Variants in FAM184B observed in about 807,000 individuals in gnomAD.
The protein encoded by FAM184B is protein FAM184B.
FAM184B carries 111 observed loss-of-function variants against 135.9 expected under a neutral mutation model. That is an observed-to-expected ratio of 0.82 (90% CI 0.70 to 0.96). The LOEUF (loss-of-function observed/expected upper bound fraction) is 0.96. FAM184B is among the 40% of genes least tolerant of loss of function. The pLI is 0.00. For synonymous variants in FAM184B, 552 were observed against 524.8 expected, an observed-to-expected ratio of 1.05 and a Z score of -0.71; for missense variants, 1,375 against 1,323.9, an observed-to-expected ratio of 1.04 and a Z score of -0.60.
At chr4:17,766,639 C>T (rs974866814) in intron 1 of FAM184B, among the ~76,000 whole-genome samples, 4 of 152,242 alleles carry the variant, frequency 2.6e-5, no homozygotes, top group Non-Finnish European at 5.9e-5. Flanking sequence ...GGTGTGTTTA[C>T]AAACCTTGAG....
At position 17,658,317 on chromosome 4, in the gene FAM184B, G is replaced by C. The variant is rs758544420; in HGVS notation, c.2037+33C>G. 1.6e-5 allele frequency: 24 copies of C among 1,546,118 alleles called. No individual in the cohort carries two copies. In the East Asian group the frequency reaches 5.1e-4, roughly 33 times the overall value. ...GGCAGTTCTCACCTAGCAGGTGCCC[G>C]GCACAGAGTAGACGGCACAGTCATT... On this transcript the variant is annotated intron_variant, in intron 10 of 17. Coordinates refer to ENST00000265018, the MANE Select transcript of FAM184B (RefSeq NM_015688.2).
At chr4:17,770,164 A>C (rs1354177864) in intron 1 of FAM184B, among the ~76,000 whole-genome samples, 1 of 152,258 alleles carries the variant, frequency 6.6e-6, no homozygotes, top group Admixed American at 6.5e-5. Flanking sequence ...ATTTTCTTCT[A>C]AGTGAAATTG....
At chr4:17,657,655 C>CCTT (rs576099787) in intron 10 of FAM184B, among the ~76,000 whole-genome samples, 1 of 114,470 alleles carries the variant, frequency 8.7e-6, no homozygotes, top group African/African-American at 3.4e-5. Flanking sequence ...CTGAGCTGTT[C>CCTT]TTTTTTTTTT....
At chr4:17,769,352 T>G (rs919268548) in intron 1 of FAM184B, among the ~76,000 whole-genome samples, 1 of 152,196 alleles carries the variant, frequency 6.6e-6, no homozygotes, top group African/African-American at 2.4e-5. Context: ...AGATTTAGGT[T>G]TCTTTAAAAA....
intron 11 of FAM184B, 52 bp downstream of exon 11, chr4:17,652,778 T>G (rs1237877443): frequency 6.6e-7 from 1 of 1,522,424 alleles, no homozygotes; most frequent in African/African-American, 1.4e-5. Context: ...GGTTTCTACA[T>G]GCAGACCCTG....
chr4:17,712,915 C>T (rs1046523667), intron 1 of FAM184B, among the ~76,000 whole-genome samples: 9 of 152,152 alleles, frequency 5.9e-5, no homozygotes, highest in Admixed American at 3.9e-4. Flanking sequence ...TCATCATCGA[C>T]GGCCAGATGG....
intron 10 of FAM184B, among the ~76,000 whole-genome samples, chr4:17,656,149 G>A (rs1002832658): frequency 1.5e-4 from 23 of 152,152 alleles, no homozygotes; most frequent in Non-Finnish European, 3.4e-4. Context: ...TCAGGTGAGT[G>A]AAGCCTCCTG....
chr4:17,633,632 C>G (rs1715031957), intron 17 of FAM184B, 57 bp downstream of exon 17: 1 of 1,362,814 alleles, frequency 7.3e-7, no homozygotes, highest in African/African-American at 1.5e-5. Context: ...AATCCTACTT[C>G]CCCTCTTATC....
chr4:17,664,573 A>G lies in FAM184B; in HGVS notation c.1683T>C (p.Asp561=). The G allele has an allele frequency of 6.4e-7, 1 of 1,551,376 alleles. No homozygotes were observed. ...ATGTCCTCCTGTACCTTTCTTCTTC[A>G]TCACTGCTGGTTCCTTCTTCAGCTG... is the stretch of plus-strand genomic sequence containing the variant. The part of the protein sequence containing the change: ...KLAAEEGTSS[D]EEERTKVLLK... The change falls in exon 8 of 18, where the codon GAT becomes GAC. Residue 561 remains aspartate, a synonymous_variant. Transcript: ENST00000265018.
At chr4:17,685,341 G>T (rs1207612884) in intron 7 of FAM184B, among the ~76,000 whole-genome samples, 5 of 151,440 alleles carry the variant, frequency 3.3e-5, no homozygotes, top group Non-Finnish European at 7.4e-5. Context: ...ATGAGGTCAG[G>T]AGTTCGAGAC....
intron 1 of FAM184B, among the ~76,000 whole-genome samples, chr4:17,778,770 G>C (rs1032501502): frequency 6.6e-6 from 1 of 152,000 alleles, no homozygotes; most frequent in African/African-American, 2.4e-5. Context: ...GAGGTGGGAG[G>C]ATTGCTTGAG....
At position 17,658,368 on chromosome 4, in the gene FAM184B, G is replaced by A; in HGVS notation, c.2019C>T (p.Ala673=). ...CCCTCACCTTGAGTTCCTGATGTCTGGCCTTCTCCAGCATGCGCAGGGCTC... is the reference window on the plus strand; with the variant it reads ...CCCTCACCTTGAGTTCCTGATGTCTAGCCTTCTCCAGCATGCGCAGGGCTC... The part of the protein sequence containing the change: ...HQRALRMLEK[A]RHQELKATEE... Residue 673 remains alanine, a synonymous_variant, in exon 10 of 18, where the codon GCC becomes GCT. Coordinates refer to ENST00000265018, the MANE Select transcript of FAM184B (RefSeq NM_015688.2). 2 of 1,551,668 alleles carry A rather than the reference G, an allele frequency of 1.3e-6. No individual in the cohort carries two copies. Among genetic ancestry groups the A allele is most frequent in the Non-Finnish European group, 1.7e-6 (2 of 1,146,990 alleles).
rs192713229 is a variant in FAM184B, at chr4:17,665,001, G to A, written c.1597-342C>T. Among the ~76,000 whole-genome samples the A allele has an allele frequency of 3.0e-4, 46 of 152,252 alleles. No individual in the cohort carries two copies. The East Asian group carries it at 4.4e-3, about 15-fold the overall frequency. On this transcript the variant is annotated intron_variant, in intron 7 of 17. Coordinates refer to ENST00000265018, the MANE Select transcript of FAM184B (RefSeq NM_015688.2). Reference sequence around the variant, plus strand: ...AGGAGTGGAAATGAAATATGCAACCGGATAATAGGACCCTGGGGACTGAAC... The same window carrying A: ...AGGAGTGGAAATGAAATATGCAACCAGATAATAGGACCCTGGGGACTGAAC...
chr4:17,720,114 G>C (rs975112042), intron 1 of FAM184B, among the ~76,000 whole-genome samples: 2 of 151,976 alleles, frequency 1.3e-5, no homozygotes, highest in South Asian at 4.2e-4. Flanking sequence ...AATTTCCTTG[G>C]GGTCTCACTC....
chr4:17,648,797 C>T (rs1245489312), intron 11 of FAM184B, among the ~76,000 whole-genome samples: 1 of 152,138 alleles, frequency 6.6e-6, no homozygotes, highest in Non-Finnish European at 1.5e-5. Flanking sequence ...TGTGTACGTT[C>T]TCTTAAACTC....
At position 17,647,869 on chromosome 4, in the gene FAM184B, G is replaced by A; in HGVS notation, c.2192-78C>T. On this transcript the variant is annotated intron_variant, in intron 11 of 17. Transcript: ENST00000265018. ...GTGTCATGGGGACAACAGTCTCTGG[G>A]GTGGGGTTGGATGACGTGGGTGGCT... is the stretch of plus-strand genomic sequence containing the variant. 4 of 1,454,700 alleles carry A rather than the reference G, an allele frequency of 2.7e-6. 1 individual carries two copies. The South Asian group carries it at 5.3e-5, about 19-fold the overall frequency. 90.1% of individuals were successfully genotyped at this position (1,454,700 alleles called of 1,614,324 possible).
intron 1 of FAM184B, among the ~76,000 whole-genome samples, chr4:17,720,516 T>C (rs1410946956): frequency 6.6e-6 from 1 of 151,778 alleles, no homozygotes; most frequent in African/African-American, 2.4e-5. Flanking sequence ...TGTGGAAAAA[T>C]TGGAGCCCCT....
intron 1 of FAM184B, among the ~76,000 whole-genome samples, chr4:17,766,865 G>C (rs927791908): frequency 6.6e-6 from 1 of 152,170 alleles, no homozygotes; most frequent in South Asian, 2.1e-4. Context: ...AGGGGGCAGC[G>C]CTCATTGGGG....
intron 12 of FAM184B, among the ~76,000 whole-genome samples, chr4:17,644,189 G>A (rs1255276396): frequency 2.0e-5 from 3 of 152,226 alleles, no homozygotes; most frequent in African/African-American, 7.2e-5. Flanking sequence ...CCAAGTTGAA[G>A]CATTTGGAGC....
Sources: gnomAD v4.1 joint callset for allele counts (sites outside exome capture counted in the v4.1 genomes callset) on GRCh38, gnomAD v4.1.1 for gene constraint, MANE v1.5 for transcripts, NCBI Gene and HGNC (gene_info 2026-07-23, HGNC 2026-07-21) for gene names.